The following LMCD1 variants were observed in gnomAD, a reference collection of about 807,000 sequenced individuals.
LMCD1 encodes the protein LIM and cysteine rich domains 1.
A neutral mutation model predicts 42.7 loss-of-function variants in LMCD1; 32 were observed. The ratio of observed to expected loss-of-function variants is 0.75; its 90% CI spans 0.57 to 1.01. The LOEUF is 1.01. Ranked by LOEUF, LMCD1 falls within the 50% of genes least tolerant of loss-of-function variation. LMCD1 has a pLI of 0.00. For synonymous variants in LMCD1, 178 were observed against 184.9 expected (o/e 0.96, Z 0.30); for missense variants, 458 against 483.1 (o/e 0.95, Z 0.49).
intron 1 of LMCD1, among the ~76,000 whole-genome samples, chr3:8,528,850 C>A (rs900168745): frequency 6.6e-6 from 1 of 152,102 alleles, no homozygotes; most frequent in South Asian, 2.1e-4. Flanking sequence ...CTCCTTGCAT[C>A]CCCAGGGGTC....
intron 4 of LMCD1, among the ~76,000 whole-genome samples, chr3:8,553,204 A>AC (rs1694870697): frequency 7.2e-6 from 1 of 139,086 alleles, no homozygotes; most frequent in African/African-American, 2.7e-5. Context: ...CCCTACACCC[A>AC]CCCCCCGACA....
chr3:8,543,242 C>T (rs2125028608), intron 3 of LMCD1, among the ~76,000 whole-genome samples: 1 of 152,308 alleles, frequency 6.6e-6, no homozygotes, highest in South Asian at 2.1e-4. Context: ...CCTGCCCTCG[C>T]CTGTTGGCCG....
chr3:8,565,852 A>C (rs1463570211), intron 5 of LMCD1, among the ~76,000 whole-genome samples: 5 of 152,244 alleles, frequency 3.3e-5, no homozygotes, highest in Non-Finnish European at 7.3e-5. Flanking sequence ...GAGGGGTCAG[A>C]CACAGTGCCG....
intron 1 of LMCD1, among the ~76,000 whole-genome samples, chr3:8,515,146 G>A (rs73810483): frequency 0.034 from 5,247 of 152,272 alleles, 147 homozygotes; most frequent in South Asian, 0.13. Context: ...TGTCACGTTA[G>A]GGGAGAACTT....
chr3:8,529,837 T>C (rs1388473737), intron 1 of LMCD1, among the ~76,000 whole-genome samples: 1 of 152,202 alleles, frequency 6.6e-6, no homozygotes, highest in East Asian at 1.9e-4. Flanking sequence ...CTTCACAAGA[T>C]GTAATTAATG....
chr3:8,526,331 G>A (rs1694299070), intron 1 of LMCD1, among the ~76,000 whole-genome samples: 1 of 152,186 alleles, frequency 6.6e-6, no homozygotes, highest in Non-Finnish European at 1.5e-5. Context: ...TTAAAATGTG[G>A]ATCTGGAATT....
At chr3:8,528,249 C>T (rs1045098440) in intron 1 of LMCD1, among the ~76,000 whole-genome samples, 1 of 152,098 alleles carries the variant, frequency 6.6e-6, no homozygotes, top group African/African-American at 2.4e-5. Flanking sequence ...AGTGCAGTGG[C>T]GTGGTCATAG....
intron 4 of LMCD1, chr3:8,551,307 A>G: frequency 1.0e-6 from 1 of 985,406 alleles, no homozygotes; most frequent in Non-Finnish European, 1.2e-6. Flanking sequence ...AAAAAATGGG[A>G]TCTATTTGGA....
At chr3:8,563,114 A>G (rs1468434557) in intron 4 of LMCD1, among the ~76,000 whole-genome samples, 1 of 152,172 alleles carries the variant, frequency 6.6e-6, no homozygotes, top group Non-Finnish European at 1.5e-5. Flanking sequence ...TTGTTCATCT[A>G]CTATGTGCCT....
intron 1 of LMCD1, among the ~76,000 whole-genome samples, chr3:8,521,864 G>T (rs1257039135): frequency 6.6e-6 from 1 of 152,180 alleles, no homozygotes; most frequent in Non-Finnish European, 1.5e-5. Context: ...TTAATCAGAA[G>T]GAGAGTTGTT....
At chr3:8,522,924 G>A (rs1178238503) in intron 1 of LMCD1, among the ~76,000 whole-genome samples, 2 of 152,052 alleles carry the variant, frequency 1.3e-5, no homozygotes, top group East Asian at 1.9e-4. Flanking sequence ...CTGACATCAC[G>A]AGATAAATCC....
At chr3:8,524,038 A>G (rs980576075) in intron 1 of LMCD1, among the ~76,000 whole-genome samples, 27 of 152,134 alleles carry the variant, frequency 1.8e-4, no homozygotes, top group Admixed American at 1.3e-4. Flanking sequence ...GCTTCAAACA[A>G]TGGAAGAAGT....
chr3:8,508,444 G>C (rs986768399), intron 1 of LMCD1, among the ~76,000 whole-genome samples: 2 of 152,200 alleles, frequency 1.3e-5, no homozygotes, highest in Non-Finnish European at 2.9e-5. Flanking sequence ...CCAACTCAAG[G>C]TGGCTGTTTC....
intron 4 of LMCD1, among the ~76,000 whole-genome samples, chr3:8,555,074 G>T (rs537955981): frequency 3.9e-5 from 6 of 151,990 alleles, no homozygotes; most frequent in Non-Finnish European, 2.9e-5. Flanking sequence ...ATAAAAACGC[G>T]TGAATATGGT....
chr3:8,548,539 T>C (rs1379227762), intron 3 of LMCD1, 29 bp from the exon 4 acceptor site: 12 of 1,517,146 alleles, frequency 7.9e-6, no homozygotes, highest in East Asian at 6.9e-5. Context: ...ATCCACATCA[T>C]GTTGTCTCTT....
At position 8,548,817 on chromosome 3, in the gene LMCD1, A is replaced by G; in HGVS notation, c.637A>G (p.Lys213Glu). 1 of 1,604,378 alleles carries G rather than the reference A, an allele frequency of 6.2e-7. No homozygotes were observed. The highest frequency in any genetic ancestry group is 1.1e-5 in the South Asian group (1 of 90,308). Residue 213 changes from lysine (K) to glutamate (E), a missense_variant, in exon 4 of 6, where the codon AAG becomes GAG. Transcript: ENST00000157600. ...GGGTGGCTTGCCCAAGGAGGAGGGG[A>G]AGCAGCAGGAAAAGCCAGAGGGGGC... ...GQGGLPKEEG[K>E]QQEKPEGAET... is the part of the protein sequence containing the mutation.
At chr3:8,545,347 A>G (rs1694714731) in intron 3 of LMCD1, among the ~76,000 whole-genome samples, 1 of 152,210 alleles carries the variant, frequency 6.6e-6, no homozygotes, top group Non-Finnish European at 1.5e-5. Flanking sequence ...AAATTACACC[A>G]TTCTGATCAA....
intron 5 of LMCD1, among the ~76,000 whole-genome samples, chr3:8,566,062 A>C (rs937349104): frequency 5.3e-5 from 8 of 152,220 alleles, no homozygotes; most frequent in Non-Finnish European, 1.2e-4. Context: ...CGCCCATCCC[A>C]TAGAGTGGCT....
At chr3:8,510,165 A>C (rs1693968165) in intron 1 of LMCD1, among the ~76,000 whole-genome samples, 1 of 152,180 alleles carries the variant, frequency 6.6e-6, no homozygotes, top group South Asian at 2.1e-4. Context: ...GTACTGATTC[A>C]TGAGGCTGAC....
Sources: allele counts gnomAD v4.1 joint callset (sites outside exome capture counted in the v4.1 genomes callset), GRCh38; gene constraint gnomAD v4.1.1; transcripts MANE v1.5; gene names NCBI Gene and HGNC (gene_info 2026-07-23, HGNC 2026-07-21).